C7: variants seen among roughly 807,000 people sequenced by gnomAD.
The protein encoded by C7 is complement C7.
C7 carries 83 observed loss-of-function variants against 104.8 expected under a neutral mutation model. The ratio of observed to expected loss-of-function variants is 0.79; its 90% CI spans 0.66 to 0.95. The LOEUF is 0.95. Ranked by LOEUF, C7 falls within the 40% of genes least tolerant of loss-of-function variation. C7 has a pLI of 0.00. For synonymous variants in C7, 415 were observed against 360.6 expected, an observed-to-expected ratio of 1.15 and a Z score of -1.71; for missense variants, 1,070 against 1,011.2, an observed-to-expected ratio of 1.06 and a Z score of -0.79.
intron 16 of C7, among the ~76,000 whole-genome samples, chr5:40,977,931 C>G (rs1374950813): frequency 2.0e-5 from 3 of 152,054 alleles, no homozygotes; most frequent in African/African-American, 4.8e-5. Context: ...CTCAGGAGTT[C>G]AAGACCAGCC....
chr5:40,928,782 A>C (rs1053734632), intron 2 of C7, 147 bp downstream of exon 2: 9 of 524,742 alleles, frequency 1.7e-5, no homozygotes, highest in Non-Finnish European at 3.0e-5. Flanking sequence ...AGACAATGAT[A>C]ACAAAAGCAT....
intron 1 of C7, among the ~76,000 whole-genome samples, chr5:40,916,789 A>G (rs934195250): frequency 3.9e-5 from 6 of 152,170 alleles, no homozygotes; most frequent in African/African-American, 1.2e-4. Context: ...TTTATTGTGC[A>G]CAACATGATG....
chr5:40,935,876 C>T (rs1739800972), intron 4 of C7, among the ~76,000 whole-genome samples: 1 of 152,172 alleles, frequency 6.6e-6, no homozygotes. Flanking sequence ...CGTATCCTAG[C>T]CCCTATTGTG....
intron 1 of C7, among the ~76,000 whole-genome samples, chr5:40,915,234 A>T (rs1335970553): frequency 2.0e-5 from 3 of 152,216 alleles, no homozygotes; most frequent in Admixed American, 1.3e-4. Flanking sequence ...CAACTGGATC[A>T]GTCAAGCAAG....
At chr5:40,942,905 C>G (rs1739970956) in intron 6 of C7, among the ~76,000 whole-genome samples, 1 of 152,026 alleles carries the variant, frequency 6.6e-6, no homozygotes. Flanking sequence ...GCTGGGATTA[C>G]AGGCACGCAC....
chr5:40,936,477 T>C lies in C7; in HGVS notation c.420T>C (p.Thr140=). 1 of 1,612,934 alleles carries C rather than the reference T, an allele frequency of 6.2e-7. No homozygotes were observed. The highest frequency in any genetic ancestry group is 8.5e-7 in the Non-Finnish European group (1 of 1,179,302). Residue 140 remains threonine (T), a synonymous_variant, in exon 5 of 18, where the codon ACT becomes ACC. Transcript: ENST00000313164. ...IDKPPPNIEL[T]GNGYNELTGQ... is the part of the protein sequence containing the mutation. Reference sequence around the variant, plus strand: ...AACCTCCTCCTAACATAGAACTTACTGGAAATGGGTAAGGTGCTGGGCAGC... The same window carrying C: ...AACCTCCTCCTAACATAGAACTTACCGGAAATGGGTAAGGTGCTGGGCAGC...
intron 3 of C7, among the ~76,000 whole-genome samples, chr5:40,933,917 C>T (rs887410869): frequency 1.3e-5 from 2 of 150,230 alleles, no homozygotes; most frequent in African/African-American, 4.9e-5. Context: ...AAGCTTTACT[C>T]AGGTTACTTT....
At chr5:40,940,254 G>A (rs561996718) in intron 6 of C7, among the ~76,000 whole-genome samples, 1 of 152,274 alleles carries the variant, frequency 6.6e-6, no homozygotes, top group South Asian at 2.1e-4. Context: ...TTTATCCAGG[G>A]CAAACCCAAT....
At chr5:40,919,072 A>AG (rs1021931246) in intron 1 of C7, among the ~76,000 whole-genome samples, 9 of 151,586 alleles carry the variant, frequency 5.9e-5, no homozygotes, top group Admixed American at 5.9e-4. Flanking sequence ...ATAACATTTT[A>AG]GGGGGAAAAA....
At chr5:40,928,265 G>A (rs1739601709) in intron 1 of C7, among the ~76,000 whole-genome samples, 1 of 152,076 alleles carries the variant, frequency 6.6e-6, no homozygotes, top group Non-Finnish European at 1.5e-5. Context: ...GGGAAATAAA[G>A]GTCAAAGGGT....
chr5:40,949,500 A>G (rs921324394), intron 8 of C7, among the ~76,000 whole-genome samples: 2 of 152,144 alleles, frequency 1.3e-5, no homozygotes, highest in African/African-American at 4.8e-5. Context: ...CTTGAATTTT[A>G]GGAGTTAATT....
intron 9 of C7, among the ~76,000 whole-genome samples, chr5:40,955,138 A>C (rs1740260393): frequency 1.3e-5 from 2 of 152,116 alleles, no homozygotes; most frequent in Admixed American, 6.5e-5. Flanking sequence ...TTCACTCTTG[A>C]TATTGAACAT....
rs375891936 is a variant in C7, at chr5:40,936,502, C to T, written c.428+17C>T. On this transcript the variant is annotated intron_variant, in intron 5 of 17. Transcript: ENST00000313164. Reference sequence around the variant, plus strand: ...TGGAAATGGGTAAGGTGCTGGGCAGCCTCCTGAGTACATCAGTGAATTGTA... The same window carrying T: ...TGGAAATGGGTAAGGTGCTGGGCAGTCTCCTGAGTACATCAGTGAATTGTA... The T allele has an allele frequency of 1.2e-6, 2 of 1,606,110 alleles. No homozygotes were observed. The highest frequency in any genetic ancestry group is 1.7e-6 in the Non-Finnish European group (2 of 1,176,714).
At chr5:40,953,549 G>A (rs1740222215) in intron 9 of C7, among the ~76,000 whole-genome samples, 1 of 145,902 alleles carries the variant, frequency 6.9e-6, no homozygotes, top group African/African-American at 2.5e-5. Flanking sequence ...GCTGAGGCAG[G>A]AGAATTGCTT....
chr5:40,916,715 T>TA (rs542556625), intron 1 of C7, among the ~76,000 whole-genome samples: 5 of 151,500 alleles, frequency 3.3e-5, no homozygotes, highest in Non-Finnish European at 5.9e-5. Context: ...ATTTTTTTTT[T>TA]AAAAAAGCAT....
rs1741021507 is a variant in C7, at chr5:40,984,419, A to G, written c.*2846A>G. On this transcript the variant is annotated 3_prime_UTR_variant, in exon 18 of 18. Coordinates refer to ENST00000313164, the MANE Select transcript of C7 (RefSeq NM_000587.4). Reference sequence around the variant, plus strand: ...GGTTGCCCTCTTTGCTGGGCAGATCATGGCTAATCTCAGCTTCACATGAGT... The same window carrying G: ...GGTTGCCCTCTTTGCTGGGCAGATCGTGGCTAATCTCAGCTTCACATGAGT... Among the ~76,000 whole-genome samples the G allele has an allele frequency of 6.6e-6, 1 of 152,166 alleles. No individual in the cohort carries two copies. The highest frequency in any genetic ancestry group is 1.5e-5 in the Non-Finnish European group (1 of 68,032).
At chr5:40,970,946 T>C (rs1167441772) in intron 14 of C7, among the ~76,000 whole-genome samples, 2 of 152,192 alleles carry the variant, frequency 1.3e-5, no homozygotes, top group African/African-American at 4.8e-5. Context: ...TAGTATTCCA[T>C]GGTGTATATG....
intron 3 of C7, among the ~76,000 whole-genome samples, chr5:40,932,863 A>T (rs1032840662): frequency 6.6e-6 from 1 of 152,172 alleles, no homozygotes; most frequent in Admixed American, 6.6e-5. Context: ...ATTTTCATTC[A>T]GAAAGAGACA....
At chr5:40,940,791 T>C (rs1366301185) in intron 6 of C7, among the ~76,000 whole-genome samples, 1 of 152,170 alleles carries the variant, frequency 6.6e-6, no homozygotes, top group East Asian at 1.9e-4. Context: ...TACTGGCATC[T>C]CATTTTACAA....
Sources: allele counts gnomAD v4.1 joint callset (sites outside exome capture counted in the v4.1 genomes callset), GRCh38; gene constraint gnomAD v4.1.1; transcripts MANE v1.5; gene names NCBI Gene and HGNC (gene_info 2026-07-23, HGNC 2026-07-21).